EXOC6B: variants seen among roughly 807,000 people sequenced by gnomAD.
EXOC6B encodes SEC15 homolog B.
A neutral mutation model predicts 113.5 loss-of-function variants in EXOC6B; 54 were observed. The ratio of observed to expected loss-of-function variants is 0.48; its 90% CI spans 0.38 to 0.60. The LOEUF is 0.60. EXOC6B is among the 20% of genes least tolerant of loss of function. The pLI is 0.00. For missense variants in EXOC6B, 797 were observed against 977.5 expected (o/e 0.82, Z 2.46); for synonymous variants, 357 against 339.0 (o/e 1.05, Z -0.58).
rs1442716860 is a variant in EXOC6B at position 72,384,618 on chromosome 2, G to A, written c.1981-4748C>T. On this transcript the variant is annotated intron_variant, in intron 18 of 21. Coordinates refer to ENST00000272427, the MANE Select transcript of EXOC6B (RefSeq NM_015189.3). The stretch of plus-strand genomic sequence containing the variant: ...AAATATATATGATCTTATATAGACA[G>A]AACTCTAAAAATTCCACCAAAAACT... Among the ~76,000 whole-genome samples, 7 of 151,960 alleles carry A rather than the reference G, an allele frequency of 4.6e-5. No individual in the cohort carries two copies. In the East Asian group the frequency reaches 1.2e-3, roughly 25 times the overall value.
intron 20 of EXOC6B, among the ~76,000 whole-genome samples, chr2:72,296,739 T>C (rs893031231): frequency 1.3e-5 from 2 of 152,172 alleles, no homozygotes; most frequent in African/African-American, 4.8e-5. Context: ...TAACTAGGTG[T>C]AATAGGATGA....
rs77132261 is a variant in EXOC6B at position 72,541,829 on chromosome 2, G to A, written c.915+17624C>T. On this transcript the variant is annotated intron_variant, in intron 8 of 21. Transcript: ENST00000272427. ...CATAGACTTTTTTCATTTCATTCTCGTAGAGACACTGTGAGATAAATACTA... is the reference window on the plus strand; with the variant it reads ...CATAGACTTTTTTCATTTCATTCTCATAGAGACACTGTGAGATAAATACTA... 1.2e-3 allele frequency among the ~76,000 whole-genome samples: 181 copies of A among 152,158 alleles called. 1 individual carries two copies. In the East Asian group the frequency reaches 0.027, roughly 23 times the overall value.
intron 1 of EXOC6B, among the ~76,000 whole-genome samples, chr2:72,770,262 GA>G (rs992894812): frequency 1.3e-5 from 2 of 151,328 alleles, no homozygotes; most frequent in African/African-American, 4.9e-5. Flanking sequence ...ATACAACTAA[GA>G]AAAAAAAGAG....
At chr2:72,775,212 T>C (rs535667192) in intron 1 of EXOC6B, among the ~76,000 whole-genome samples, 2 of 152,150 alleles carry the variant, frequency 1.3e-5, no homozygotes, top group South Asian at 2.1e-4. Flanking sequence ...CCATTGGTGA[T>C]TGGGGCTCTC....
At chr2:72,514,874 C>T (rs184260669) in intron 9 of EXOC6B, among the ~76,000 whole-genome samples, 169 bp downstream of exon 9, 8 of 151,824 alleles carry the variant, frequency 5.3e-5, no homozygotes, top group Non-Finnish European at 8.8e-5. Context: ...GCCAGACACA[C>T]AGCAATCAAT....
intron 3 of EXOC6B, 34 bp from the exon 4 acceptor site, chr2:72,731,279 A>G: frequency 1.3e-6 from 2 of 1,493,042 alleles, no homozygotes; most frequent in Non-Finnish European, 1.9e-6. Flanking sequence ...AATTATGCCT[A>G]TGGCTGTAAA....
rs893834678 is a variant in EXOC6B, at chr2:72,521,551, G to A, written c.916-6425C>T. ...GCTAGATTTCTCAATCCAGTCAATT[G>A]GCCCAACAGAGAAAATTTTACTTAA... On this transcript the variant is annotated intron_variant, in intron 8 of 21. Transcript: ENST00000272427. Among the ~76,000 whole-genome samples the A allele has an allele frequency of 2.4e-4, 36 of 152,042 alleles. 1 individual carries two copies. Among genetic ancestry groups the A allele is most frequent in the Non-Finnish European group, 1.5e-5 (1 of 68,000 alleles).
At chr2:72,310,258 G>A (rs1257163560) in intron 20 of EXOC6B, among the ~76,000 whole-genome samples, 2 of 152,186 alleles carry the variant, frequency 1.3e-5, no homozygotes, top group South Asian at 4.1e-4. Context: ...CACCAACAAC[G>A]AATGAGGCAT....
At chr2:72,545,756 T>C (rs1330536918) in intron 8 of EXOC6B, among the ~76,000 whole-genome samples, 3 of 152,238 alleles carry the variant, frequency 2.0e-5, no homozygotes, top group East Asian at 3.8e-4. Flanking sequence ...CAAAAGTATC[T>C]TAAGTCTAAC....
At position 72,176,269 on chromosome 2, in the gene EXOC6B, A is replaced by G. The variant is rs1372779429; in HGVS notation, c.*3066T>C. 6.7e-6 allele frequency: 1 copy of G among 149,712 alleles called. No homozygotes were observed. The highest frequency in any genetic ancestry group is 6.7e-5 in the Admixed American group (1 of 14,850). The allele number at this position is 149,712 out of a possible 1,614,324, so 9.3% of individuals were successfully genotyped here. On this transcript the variant is annotated 3_prime_UTR_variant, in exon 22 of 22. Transcript: ENST00000272427. ...ATTGTGAATGCAGGCAAAAAAAAAA[A>G]AAACAAAAAGGAAGAAGAAGAAGAA...
intron 19 of EXOC6B, among the ~76,000 whole-genome samples, chr2:72,372,617 G>A (rs1015882021): frequency 2.0e-5 from 3 of 152,124 alleles, no homozygotes; most frequent in Non-Finnish European, 2.9e-5. Context: ...AGGCCGAGGT[G>A]GGAGGATCAT....
At chr2:72,675,923 C>A (rs1228526083) in intron 6 of EXOC6B, among the ~76,000 whole-genome samples, 1 of 151,984 alleles carries the variant, frequency 6.6e-6, no homozygotes, top group African/African-American at 2.4e-5. Context: ...CTACTAATAC[C>A]TCCCTGGCAC....
chr2:72,221,141 T>C (rs559156583), intron 20 of EXOC6B, among the ~76,000 whole-genome samples: 2 of 152,214 alleles, frequency 1.3e-5, no homozygotes, highest in Non-Finnish European at 2.9e-5. Flanking sequence ...ACACCCTAGT[T>C]AGTTCCCATT....
chr2:72,196,509 G>T (rs1053135627), intron 20 of EXOC6B, among the ~76,000 whole-genome samples: 3 of 152,116 alleles, frequency 2.0e-5, no homozygotes, highest in African/African-American at 7.2e-5. Flanking sequence ...GGATTTGAAG[G>T]CTAGAGACTG....
intron 6 of EXOC6B, among the ~76,000 whole-genome samples, chr2:72,648,802 G>A (rs576977663): frequency 5.6e-4 from 14 of 24,896 alleles, no homozygotes; most frequent in African/African-American, 2.4e-3. Context: ...ACCAGGCACA[G>A]AAAGAAAAAT....
intron 18 of EXOC6B, among the ~76,000 whole-genome samples, chr2:72,460,132 T>C (rs528677398): frequency 3.4e-4 from 51 of 151,974 alleles, no homozygotes; most frequent in South Asian, 1.0e-3. Context: ...ATAAATGGTG[T>C]TGGGAAAACT....
At chr2:72,665,666 T>TTAAA (rs1675336686) in intron 6 of EXOC6B, among the ~76,000 whole-genome samples, 2 of 152,188 alleles carry the variant, frequency 1.3e-5, no homozygotes, top group Non-Finnish European at 2.9e-5. Context: ...TCATTACCAC[T>TTAAA]AGACCAGCCT....
At chr2:72,326,679 A>C (rs1246059475) in intron 20 of EXOC6B, among the ~76,000 whole-genome samples, 2 of 152,068 alleles carry the variant, frequency 1.3e-5, no homozygotes, top group East Asian at 3.9e-4. Context: ...GAGAGTTGTC[A>C]AAGATTAGAC....
chr2:72,716,489 T>C (rs1458740036), intron 6 of EXOC6B, among the ~76,000 whole-genome samples: 2 of 152,194 alleles, frequency 1.3e-5, no homozygotes, highest in Non-Finnish European at 1.5e-5. Flanking sequence ...TCAAGGATCC[T>C]GAGATGAAAT....
Sources: allele counts gnomAD v4.1 joint callset (sites outside exome capture counted in the v4.1 genomes callset), GRCh38; gene constraint gnomAD v4.1.1; transcripts MANE v1.5; gene names NCBI Gene and HGNC (gene_info 2026-07-23, HGNC 2026-07-21).